NKAIN3: variants seen among roughly 807,000 people sequenced by gnomAD.
NKAIN3 encodes sodium/potassium transporting ATPase interacting 3.
A neutral mutation model predicts 30.2 loss-of-function variants in NKAIN3; 25 were observed. The observed-to-expected ratio is 0.83, with a 90% CI of 0.60 to 1.16. The LOEUF is 1.16. NKAIN3 is among the 50% of genes most tolerant of loss of function. The pLI is 0.00. For missense variants in NKAIN3, 225 were observed against 254.1 expected (o/e 0.89, Z 0.78); for synonymous variants, 91 against 89.6 (o/e 1.02, Z -0.09).
chr8:62,987,142 T>A (rs1252654850), downstream of NKAIN3, among the ~76,000 whole-genome samples: 1 of 152,188 alleles, frequency 6.6e-6, no homozygotes, highest in Non-Finnish European at 1.5e-5. Flanking sequence ...ATCCCAGCAC[T>A]TTGGGAGGCC....
At chr8:62,267,993 C>G (rs1812659781) in intron 1 of NKAIN3, among the ~76,000 whole-genome samples, 1 of 152,126 alleles carries the variant, frequency 6.6e-6, no homozygotes, top group Admixed American at 6.5e-5. Context: ...TTTAAAAAAT[C>G]TAATTTCTTA....
At chr8:62,468,853 G>A (rs1180696928) in intron 1 of NKAIN3, among the ~76,000 whole-genome samples, 16 of 152,044 alleles carry the variant, frequency 1.1e-4, no homozygotes, top group Admixed American at 1.0e-3. Flanking sequence ...TCTTAATTCC[G>A]ATCTCTTTGC....
At chr8:62,566,473 A>G (rs951789883) in intron 1 of NKAIN3, among the ~76,000 whole-genome samples, 6 of 152,058 alleles carry the variant, frequency 3.9e-5, no homozygotes, top group African/African-American at 1.2e-4. Flanking sequence ...GAAAAAAATT[A>G]ATTAATGGCT....
intron 3 of NKAIN3, among the ~76,000 whole-genome samples, chr8:62,692,208 G>A (rs1383390246): frequency 6.6e-6 from 1 of 152,176 alleles, no homozygotes; most frequent in Non-Finnish European, 1.5e-5. Context: ...AGATTCAGGA[G>A]CTGGAGAAAT....
Position 62,458,191 on chromosome 8 carries a change from C to G in NKAIN3, c.55-121348C>G, listed in dbSNP as rs541369803. Among the ~76,000 whole-genome samples the G allele has an allele frequency of 6.6e-5, 10 of 152,286 alleles. No homozygotes were observed. The South Asian group carries it at 2.1e-3, about 32-fold the overall frequency. On this transcript the variant is annotated intron_variant, in intron 1 of 6. Transcript: ENST00000623646. ...CTCTGTTCCCCAGCTGCTTCTGAAA[C>G]AGGCCTGGTCTTAAATCTCAACCCT...
At chr8:62,947,561 G>T (rs1363779669) in intron 5 of NKAIN3, among the ~76,000 whole-genome samples, 1 of 152,216 alleles carries the variant, frequency 6.6e-6, no homozygotes, top group East Asian at 1.9e-4. Flanking sequence ...GAAGTGGGGA[G>T]TTGCTGTTCT....
At chr8:62,307,712 G>A (rs1375847824) in intron 1 of NKAIN3, among the ~76,000 whole-genome samples, 1 of 150,754 alleles carries the variant, frequency 6.6e-6, no homozygotes, top group African/African-American at 2.5e-5. Context: ...TATATTAAAT[G>A]TTTAGAAACT....
chr8:62,611,635 G>A (rs1811294132), intron 3 of NKAIN3, among the ~76,000 whole-genome samples: 1 of 151,992 alleles, frequency 6.6e-6, no homozygotes, highest in Admixed American at 6.6e-5. Context: ...TCTTTTTTAT[G>A]GCTGAATAGT....
intron 1 of NKAIN3, among the ~76,000 whole-genome samples, chr8:62,374,113 CAAAAAA>C (rs66521184): frequency 2.2e-4 from 14 of 64,342 alleles, no homozygotes; most frequent in East Asian, 1.8e-3. Flanking sequence ...ACTCCATCTC[CAAAAAA>C]AAAAAAAAAA....
At chr8:62,624,090 T>G (rs906172947) in intron 3 of NKAIN3, among the ~76,000 whole-genome samples, 1 of 152,070 alleles carries the variant, frequency 6.6e-6, no homozygotes, top group African/African-American at 2.4e-5. Flanking sequence ...TCCTTTAGCA[T>G]GAAAATACAT....
chr8:62,814,421 A>C (rs1370259381), intron 4 of NKAIN3, among the ~76,000 whole-genome samples: 3 of 152,036 alleles, frequency 2.0e-5, no homozygotes, highest in Non-Finnish European at 4.4e-5. Flanking sequence ...AAATCAACAG[A>C]ATATACATTT....
At chr8:62,357,701 C>T (rs1242877410) in intron 1 of NKAIN3, among the ~76,000 whole-genome samples, 1 of 152,134 alleles carries the variant, frequency 6.6e-6, no homozygotes, top group Non-Finnish European at 1.5e-5. Context: ...TGACCTCGAC[C>T]TGCCTGTTTC....
intron 1 of NKAIN3, among the ~76,000 whole-genome samples, chr8:62,572,898 A>G (rs1417474787): frequency 6.6e-6 from 1 of 152,194 alleles, no homozygotes; most frequent in Non-Finnish European, 1.5e-5. Context: ...ATGTGTCAAT[A>G]AGAAACATTG....
intron 1 of NKAIN3, among the ~76,000 whole-genome samples, chr8:62,362,562 CAA>C (rs1395435077): frequency 6.6e-6 from 1 of 152,074 alleles, no homozygotes; most frequent in Non-Finnish European, 1.5e-5. Context: ...CTGCAGAACC[CAA>C]GAGAAACTGC....
chr8:62,716,920 A>T (rs1384964042), intron 3 of NKAIN3, among the ~76,000 whole-genome samples: 1 of 152,122 alleles, frequency 6.6e-6, no homozygotes, highest in Non-Finnish European at 1.5e-5. Flanking sequence ...ACATAGCAAG[A>T]CCCTGTATCT....
intron 1 of NKAIN3, among the ~76,000 whole-genome samples, chr8:62,451,361 G>T (rs973810454): frequency 7.9e-6 from 1 of 126,382 alleles, no homozygotes; most frequent in East Asian, 2.6e-4. Flanking sequence ...TCTCTTCATC[G>T]AATCACCTTT....
At chr8:62,996,586 C>T (rs1804119230) in intron 5 of NKAIN3, among the ~76,000 whole-genome samples, 3 of 152,116 alleles carry the variant, frequency 2.0e-5, no homozygotes, top group Admixed American at 2.0e-4. Context: ...AGTCCAAGTC[C>T]AAAGTCTCAT....
At chr8:62,714,635 AT>A (rs1814830784) in intron 3 of NKAIN3, among the ~76,000 whole-genome samples, 1 of 152,310 alleles carries the variant, frequency 6.6e-6, no homozygotes, top group East Asian at 1.9e-4. Context: ...AATAGTTAAT[AT>A]TTAATGAATA....
At chr8:62,878,336 C>T (rs1439061855) in intron 4 of NKAIN3, among the ~76,000 whole-genome samples, 1 of 152,102 alleles carries the variant, frequency 6.6e-6, no homozygotes, top group African/African-American at 2.4e-5. Context: ...TATGTCCCCT[C>T]AGAGAAGGCA....
Sources: gnomAD v4.1 joint callset for allele counts (sites outside exome capture counted in the v4.1 genomes callset) on GRCh38, gnomAD v4.1.1 for gene constraint, MANE v1.5 for transcripts, NCBI Gene and HGNC (gene_info 2026-07-23, HGNC 2026-07-21) for gene names.